FMN1: variants seen among roughly 807,000 people sequenced by gnomAD.
The protein encoded by FMN1 is formin 1, also known as formin-1.
A neutral mutation model predicts 132.4 loss-of-function variants in FMN1; 110 were observed. That is an observed-to-expected ratio of 0.83 (90% CI 0.71 to 0.97). FMN1 has a LOEUF of 0.97. Among genes scored for constraint, FMN1 ranks in the 50% least tolerant of loss-of-function variants. The pLI, the probability that FMN1 is intolerant of heterozygous loss-of-function variation, is 0.00. For missense variants in FMN1, 1,792 were observed against 1,705.3 expected (o/e 1.05, Z -0.90); for synonymous variants, 722 against 651.7 (o/e 1.11, Z -1.64).
At chr15:32,905,094 C>T (rs2060389979) in intron 12 of FMN1, among the ~76,000 whole-genome samples, 1 of 152,216 alleles carries the variant, frequency 6.6e-6, no homozygotes. Flanking sequence ...CCTTCTTTCT[C>T]CAATGTAGGC....
At chr15:32,842,848 A>G (rs888075566) in intron 17 of FMN1, among the ~76,000 whole-genome samples, 1 of 147,456 alleles carries the variant, frequency 6.8e-6, no homozygotes, top group Non-Finnish European at 1.5e-5. Context: ...GGAGAGGGCC[A>G]GGCATGGTGG....
intron 5 of FMN1, among the ~76,000 whole-genome samples, chr15:33,080,948 TC>T (rs894425024): frequency 1.3e-5 from 2 of 151,394 alleles, no homozygotes; most frequent in African/African-American, 4.9e-5. Context: ...TGTGGAAATC[TC>T]CCCCACCCGG....
chr15:32,869,640 C>T (rs954539274), intron 16 of FMN1, among the ~76,000 whole-genome samples: 1 of 152,106 alleles, frequency 6.6e-6, no homozygotes, highest in Non-Finnish European at 1.5e-5. Context: ...GGGGAGAATA[C>T]AGCCAAGGAA....
intron 3 of FMN1, among the ~76,000 whole-genome samples, chr15:33,161,644 C>T (rs912930334): frequency 6.6e-6 from 1 of 152,154 alleles, no homozygotes; most frequent in African/African-American, 2.4e-5. Flanking sequence ...GAAGGCTGGG[C>T]GCAGTGGCTC....
chr15:33,067,757 C>T, intron 5 of FMN1: 1 of 1,613,996 alleles, frequency 6.2e-7, no homozygotes, highest in Non-Finnish European at 8.5e-7. Flanking sequence ...TTCTAATTTA[C>T]TCGTAAACCC....
chr15:32,846,891 G>T (rs2058869791), intron 17 of FMN1, among the ~76,000 whole-genome samples: 1 of 152,184 alleles, frequency 6.6e-6, no homozygotes. Context: ...AAAAAAGGAT[G>T]AGTTCATGTC....
chr15:32,865,731 G>C (rs1320507941), intron 16 of FMN1, among the ~76,000 whole-genome samples: 1 of 151,916 alleles, frequency 6.6e-6, no homozygotes, highest in African/African-American at 2.4e-5. Context: ...AGCTACTCAG[G>C]AGGCTGAGGC....
intron 19 of FMN1, among the ~76,000 whole-genome samples, chr15:32,780,061 A>G (rs1422512301): frequency 6.6e-6 from 1 of 152,138 alleles, no homozygotes; most frequent in Admixed American, 6.5e-5. Context: ...GCACAAGGGA[A>G]CTCTCTGTGT....
At chr15:33,087,472 G>A (rs1296349875) in intron 5 of FMN1, among the ~76,000 whole-genome samples, 4 of 152,132 alleles carry the variant, frequency 2.6e-5, no homozygotes, top group East Asian at 1.9e-4. Context: ...CTTGAACCCG[G>A]GAGGCAGAGG....
intron 3 of FMN1, among the ~76,000 whole-genome samples, chr15:33,158,419 A>G (rs1328025029): frequency 6.6e-6 from 1 of 151,878 alleles, no homozygotes; most frequent in Non-Finnish European, 1.5e-5. Context: ...AATGCAAGGC[A>G]TAAAGCTACT....
chr15:33,123,913 C>T (rs938770060), intron 4 of FMN1, among the ~76,000 whole-genome samples: 1 of 152,220 alleles, frequency 6.6e-6, no homozygotes, highest in African/African-American at 2.4e-5. Context: ...CTACATCTCT[C>T]GATTCTGTTC....
chr15:32,774,209 AG>A lies in FMN1; in HGVS notation c.*100del, dbSNP rs1385752239. The A allele has an allele frequency of 5.6e-6, 5 of 900,048 alleles. No homozygotes were observed. The highest frequency in any genetic ancestry group is 7.1e-6 in the Non-Finnish European group (4 of 566,318). 55.8% of individuals were successfully genotyped at this position (900,048 alleles called of 1,614,324 possible). ...AAGAGATGAGCAAAAACAAACATTT[AG>A]TGACACATCTTTCAAGAACGTCCTG... On this transcript the variant is annotated 3_prime_UTR_variant, in exon 21 of 21. Transcript: ENST00000616417.
intron 7 of FMN1, among the ~76,000 whole-genome samples, chr15:32,996,494 G>A (rs1200818261): frequency 1.3e-5 from 2 of 152,122 alleles, no homozygotes; most frequent in African/African-American, 4.8e-5. Flanking sequence ...AGTCACATCA[G>A]GAATATTCTC....
At position 32,860,485 on chromosome 15, in the gene FMN1, T is replaced by C. The variant is rs185109475; in HGVS notation, c.3836-3378A>G. Among the ~76,000 whole-genome samples, 490 of 152,110 alleles carry C rather than the reference T, an allele frequency of 3.2e-3. 2 individuals carry two copies. The highest frequency in any genetic ancestry group is 0.01 in the Middle Eastern group (3 of 294). ...TTGGCCAAAGTGGTGAAACCCTGTT[T>C]CTACAAAAAATACAAATACTGGCTG... On this transcript the variant is annotated intron_variant, in intron 16 of 20. Coordinates refer to ENST00000616417, the MANE Select transcript of FMN1 (RefSeq NM_001277313.2).
At chr15:32,870,788 C>T (rs532369316) in intron 16 of FMN1, among the ~76,000 whole-genome samples, 1 of 152,152 alleles carries the variant, frequency 6.6e-6, no homozygotes, top group Non-Finnish European at 1.5e-5. Flanking sequence ...AACATTTATT[C>T]AAAAACATCC....
chr15:32,953,849 G>C (rs952653551), intron 9 of FMN1, among the ~76,000 whole-genome samples: 4 of 152,202 alleles, frequency 2.6e-5, no homozygotes, highest in African/African-American at 9.6e-5. Context: ...ATTGTGGTTT[G>C]AGTCTGGTTT....
Position 33,154,069 on chromosome 15 carries a change from C to T in FMN1, c.846G>A (p.Arg282=), listed in dbSNP as rs61744894. 2,269 of 1,536,072 alleles carry T rather than the reference C, an allele frequency of 1.5e-3. 21 individuals are homozygous for T. In the African/African-American group the frequency reaches 0.026, roughly 18 times the overall value. Residue 282 remains arginine (R), a synonymous_variant, in exon 4 of 21, where the codon CGG becomes CGA. Coordinates refer to ENST00000616417, the MANE Select transcript of FMN1 (RefSeq NM_001277313.2). ...SSTEAGGDGI[R]RPPSGLEHQQ... is the part of the protein sequence containing the mutation. ...GATGCTCCAGCCCGCTCGGCGGCCT[C>T]CGAATGCCATCCCCTCCTGCCTCTG...
At chr15:32,925,385 A>T (rs1184615054) in intron 10 of FMN1, among the ~76,000 whole-genome samples, 1 of 152,228 alleles carries the variant, frequency 6.6e-6, no homozygotes, top group African/African-American at 2.4e-5. Flanking sequence ...TCTTCCACTC[A>T]GATTAAGTCT....
intron 15 of FMN1, among the ~76,000 whole-genome samples, chr15:32,897,598 T>G (rs920795254): frequency 1.3e-5 from 2 of 152,172 alleles, no homozygotes; most frequent in African/African-American, 4.8e-5. Context: ...AGAGGGAAAG[T>G]AATAAAAGCA....
Sources: gnomAD v4.1 joint callset for allele counts (sites outside exome capture counted in the v4.1 genomes callset) on GRCh38, gnomAD v4.1.1 for gene constraint, MANE v1.5 for transcripts, NCBI Gene and HGNC (gene_info 2026-07-23, HGNC 2026-07-21) for gene names.